GATAD1: variants seen among roughly 807,000 people sequenced by gnomAD.
GATAD1 encodes GATA zinc finger domain-containing protein 1.
Under a neutral mutation model 26.5 loss-of-function variants are expected in GATAD1, and 12 were observed. The ratio of observed to expected loss-of-function variants is 0.45; its 90% CI spans 0.29 to 0.73. The LOEUF is 0.73. Ranked by LOEUF, GATAD1 falls within the 30% of genes least tolerant of loss-of-function variation. The probability of loss-of-function intolerance (pLI) is 0.10; values close to 1 mark genes in which losing one functional copy is unlikely to be tolerated. For synonymous variants in GATAD1, 129 were observed against 133.1 expected, an observed-to-expected ratio of 0.97 and a Z score of 0.21; for missense variants, 266 against 342.1, an observed-to-expected ratio of 0.78 and a Z score of 1.75.
chr7:92,491,595 T>A, the GATAD1 span: 1 of 765,628 alleles, frequency 1.3e-6, no homozygotes, highest in South Asian at 1.5e-5. Context: ...ATTAGAGCAA[T>A]ACAAGAAACT....
At chr7:92,460,087 T>C (rs1789865016), downstream of GATAD1, among the ~76,000 whole-genome samples, 1 of 152,158 alleles carries the variant, frequency 6.6e-6, no homozygotes, top group Non-Finnish European at 1.5e-5. Context: ...CCCAAACCAT[T>C]CCAGTTCCTG....
At chr7:92,481,394 G>A in the GATAD1 span, among the ~76,000 whole-genome samples, 5 of 152,208 alleles carry the variant, frequency 3.3e-5, no homozygotes, top group Non-Finnish European at 5.9e-5. Context: ...GTGTGAGAAA[G>A]AAAATAGATT....
chr7:92,475,847 A>G, the GATAD1 span, among the ~76,000 whole-genome samples: 1 of 152,210 alleles, frequency 6.6e-6, no homozygotes, highest in African/African-American at 2.4e-5. Context: ...ATGCAAATGC[A>G]TTACAGAGAG....
In GATAD1 at chr7:92,458,078, A is replaced by C. The variant is rs936097147; in HGVS notation, c.*1516A>C. 2 of 152,330 alleles carry C rather than the reference A, an allele frequency of 1.3e-5. No homozygotes were observed. The allele number at this position is 152,330 out of a possible 1,614,324, so 9.4% of individuals were successfully genotyped here. ...CTTGAACTCGGGAGGTGGAGATTGC[A>C]GTAAGCCGAGATCGTGCCACTGCAC... On this transcript the variant is annotated 3_prime_UTR_variant, in exon 5 of 5. Transcript: ENST00000287957.
chr7:92,493,580 A>C, the GATAD1 span: 1 of 155,936 alleles, frequency 6.4e-6, no homozygotes, highest in Non-Finnish European at 1.4e-5. Flanking sequence ...TAGAGGCTGC[A>C]GTGAGTTGTG....
At chr7:92,475,121 T>G in the GATAD1 span, 33 of 152,294 alleles carry the variant, frequency 2.2e-4, no homozygotes, top group African/African-American at 7.7e-4. Flanking sequence ...TTCACTCCAT[T>G]TGCCTTTTCT....
chr7:92,482,186 A>T, the GATAD1 span, among the ~76,000 whole-genome samples: 1 of 152,162 alleles, frequency 6.6e-6, no homozygotes, highest in South Asian at 2.1e-4. Context: ...AGCTGCTGGG[A>T]CTGATGGGTG....
chr7:92,450,653 A>G lies in GATAD1; in HGVS notation c.376-48A>G, dbSNP rs183288154. The stretch of plus-strand genomic sequence containing the variant: ...CTCATAGGGCTGGGAAAATGCCTGT[A>G]GACACATACATACTATGAATGTGCT... On this transcript the variant is annotated intron_variant, in intron 2 of 4. Transcript: ENST00000287957. 5.3e-5 allele frequency: 67 copies of G among 1,257,896 alleles called. 1 individual carries two copies. In the East Asian group the frequency reaches 1.5e-3, roughly 27 times the overall value. 77.9% of individuals were successfully genotyped at this position (1,257,896 alleles called of 1,614,324 possible).
chr7:92,455,824 C>T (rs900808873), intron 4 of GATAD1, among the ~76,000 whole-genome samples: 3 of 152,218 alleles, frequency 2.0e-5, no homozygotes, highest in African/African-American at 7.2e-5. Flanking sequence ...ATCAGGATCT[C>T]AGCAGAGGCA....
chr7:92,454,870 C>T (rs929528587), intron 4 of GATAD1, among the ~76,000 whole-genome samples, 185 bp downstream of exon 4: 5 of 152,148 alleles, frequency 3.3e-5, no homozygotes, highest in African/African-American at 9.7e-5. Flanking sequence ...GCTGGCAACA[C>T]GGATTTCTGG....
the GATAD1 span, chr7:92,469,480 G>A: frequency 1.3e-6 from 1 of 768,766 alleles, no homozygotes; most frequent in Non-Finnish European, 2.4e-6. Flanking sequence ...ATCTTGTTCA[G>A]TGTAGATGGT....
At chr7:92,478,255 C>G in the GATAD1 span, among the ~76,000 whole-genome samples, 1 of 152,200 alleles carries the variant, frequency 6.6e-6, no homozygotes, top group Admixed American at 6.5e-5. Flanking sequence ...AAGCCCGCCC[C>G]AGGGACTTCT....
the GATAD1 span, chr7:92,469,427 G>A: frequency 1.3e-6 from 1 of 771,720 alleles, no homozygotes; most frequent in Non-Finnish European, 2.4e-6. Context: ...GGAAGAATGG[G>A]TACTCTTTTG....
chr7:92,492,424 G>C, the GATAD1 span, among the ~76,000 whole-genome samples: 5 of 152,148 alleles, frequency 3.3e-5, no homozygotes, highest in Admixed American at 3.3e-4. Context: ...GCCTTGGCCT[G>C]CCAAAGTGCT....
At chr7:92,467,950 G>T in the GATAD1 span, among the ~76,000 whole-genome samples, 1 of 152,192 alleles carries the variant, frequency 6.6e-6, no homozygotes, top group Non-Finnish European at 1.5e-5. Flanking sequence ...AGTGGCCCAT[G>T]CATTTGCACC....
At chr7:92,448,299 A>T (rs1303510200) in intron 1 of GATAD1, among the ~76,000 whole-genome samples, 1 of 152,246 alleles carries the variant, frequency 6.6e-6, no homozygotes. Flanking sequence ...GTTTTGTCAT[A>T]TCAGGTTATG....
the GATAD1 span, chr7:92,489,799 C>A: frequency 6.2e-7 from 1 of 1,614,004 alleles, no homozygotes; most frequent in Non-Finnish European, 8.5e-7. Context: ...TTCTTGGCAA[C>A]CCTCTTGTGA....
At chr7:92,452,605 T>A (rs528599970) in intron 3 of GATAD1, among the ~76,000 whole-genome samples, 73 of 152,276 alleles carry the variant, frequency 4.8e-4, no homozygotes, top group Non-Finnish European at 7.5e-4. Context: ...TGTGGACCCC[T>A]TTTCTCTACC....
At chr7:92,449,007 C>G (rs1029635776) in intron 2 of GATAD1, 130 bp downstream of exon 2, 2 of 1,098,054 alleles carry the variant, frequency 1.8e-6, no homozygotes, top group African/African-American at 3.1e-5. Flanking sequence ...GGGAATGGTC[C>G]AGATTCCCCA....
Sources: allele counts gnomAD v4.1 joint callset (sites outside exome capture counted in the v4.1 genomes callset), GRCh38; gene constraint gnomAD v4.1.1; transcripts MANE v1.5; gene names NCBI Gene and HGNC (gene_info 2026-07-23, HGNC 2026-07-21).